Variants in DPP6 observed in about 807,000 individuals in gnomAD.
DPP6 encodes A-type potassium channel modulatory protein DPP6.
A neutral mutation model predicts 122.6 loss-of-function variants in DPP6; 69 were observed. That is an observed-to-expected ratio of 0.56 (90% CI 0.46 to 0.69). The LOEUF is 0.69. Ranked by LOEUF, DPP6 falls within the 30% of genes least tolerant of loss-of-function variation. DPP6 has a pLI of 0.00. For missense variants in DPP6, 928 were observed against 1,116.9 expected, an observed-to-expected ratio of 0.83 and a Z score of 2.41; for synonymous variants, 418 against 433.1, an observed-to-expected ratio of 0.97 and a Z score of 0.43.
chr7:154,292,807 C>A (rs1311192846), intron 1 of DPP6, among the ~76,000 whole-genome samples: 1 of 152,132 alleles, frequency 6.6e-6, no homozygotes, highest in Non-Finnish European at 1.5e-5. Flanking sequence ...ACAAAAGTTA[C>A]ACAAAACAAT....
At chr7:154,444,276 T>G (rs1465536562) in intron 1 of DPP6, among the ~76,000 whole-genome samples, 1 of 150,264 alleles carries the variant, frequency 6.7e-6, no homozygotes, top group Non-Finnish European at 1.5e-5. Context: ...GCTAACATGG[T>G]GAAACCCTGT....
rs1212676354 is a variant in DPP6 at position 154,821,708 on chromosome 7, A to G, written c.1666+14596A>G. On this transcript the variant is annotated intron_variant, in intron 16 of 25. Transcript: ENST00000377770. This position sits in a 1 kb window ranked among gnomAD's most constrained non-coding sequence, Gnocchi z 4.2. ...CACATATATATATACACACACACAT[A>G]TATATATACAGAAAAAACATGGTGT... Among the ~76,000 whole-genome samples, 1 of 148,424 alleles carries G rather than the reference A, an allele frequency of 6.7e-6. No homozygotes were observed. The highest frequency in any genetic ancestry group is 2.5e-5 in the African/African-American group (1 of 39,518).
intron 1 of DPP6, among the ~76,000 whole-genome samples, chr7:154,291,574 ACT>A (rs1384699316): frequency 1.3e-5 from 2 of 151,800 alleles, no homozygotes; most frequent in Non-Finnish European, 2.9e-5. Context: ...CATAGCCTAG[ACT>A]CTCTCTCCTG....
chr7:154,836,108 A>G (rs1175263339), intron 16 of DPP6, among the ~76,000 whole-genome samples: 1 of 152,156 alleles, frequency 6.6e-6, no homozygotes, highest in Non-Finnish European at 1.5e-5. Flanking sequence ...CCTGAGGCCT[A>G]ATCTCTGGGT....
chr7:154,531,427 A>G (rs1482700322), intron 3 of DPP6, among the ~76,000 whole-genome samples: 2 of 152,234 alleles, frequency 1.3e-5, no homozygotes, highest in African/African-American at 4.8e-5. Flanking sequence ...GGAAATCTAT[A>G]TTCACAGAAA....
intron 1 of DPP6, among the ~76,000 whole-genome samples, chr7:154,061,611 C>A (rs1801899087): frequency 7.0e-6 from 1 of 143,406 alleles, no homozygotes; most frequent in East Asian, 2.0e-4. Flanking sequence ...TTGGGACTCC[C>A]ATCACAGGGG....
At chr7:153,870,130 T>G in the DPP6 span, among the ~76,000 whole-genome samples, 1 of 152,202 alleles carries the variant, frequency 6.6e-6, no homozygotes, top group Non-Finnish European at 1.5e-5. Context: ...TTATGTGTCT[T>G]GGAGTTGCTC....
chr7:154,529,397 C>T (rs11976120), intron 3 of DPP6, among the ~76,000 whole-genome samples: 2,402 of 152,260 alleles, frequency 0.016, 59 homozygotes, highest in African/African-American at 0.052. Context: ...GTAAGCCTAG[C>T]AAAGAAAATT....
intron 1 of DPP6, among the ~76,000 whole-genome samples, chr7:154,190,071 G>A (rs12536049): frequency 0.076 from 11,618 of 152,246 alleles, 567 homozygotes; most frequent in South Asian, 0.13. Flanking sequence ...TTTTATGATT[G>A]TAAAGCTCCA....
intron 1 of DPP6, among the ~76,000 whole-genome samples, chr7:154,006,613 G>T (rs892565399): frequency 6.6e-6 from 1 of 152,172 alleles, no homozygotes; most frequent in African/African-American, 2.4e-5. Context: ...GCTCTGCACG[G>T]ACAGCTGGTG....
chr7:154,820,010 C>G (rs904448801), intron 16 of DPP6, among the ~76,000 whole-genome samples: 1 of 152,184 alleles, frequency 6.6e-6, no homozygotes. Context: ...GGAGCTGTGC[C>G]GCAGGTGGCC....
intron 16 of DPP6, among the ~76,000 whole-genome samples, chr7:154,841,594 T>A (rs1199703286): frequency 6.6e-6 from 1 of 151,060 alleles, no homozygotes; most frequent in Non-Finnish European, 1.5e-5. Flanking sequence ...TCTTTTCTTC[T>A]TTTTTTTATG....
At chr7:154,035,754 A>G (rs1320924930) in intron 1 of DPP6, among the ~76,000 whole-genome samples, 1 of 152,224 alleles carries the variant, frequency 6.6e-6, no homozygotes, top group Non-Finnish European at 1.5e-5. Context: ...TGTCTCATCC[A>G]CAGAAATCCA....
At chr7:154,748,732 G>A (rs1045989081) in intron 8 of DPP6, among the ~76,000 whole-genome samples, 2 of 152,120 alleles carry the variant, frequency 1.3e-5, no homozygotes, top group African/African-American at 2.4e-5. Context: ...GGGCTTCGAT[G>A]CCTTTTGCTC....
chr7:154,094,125 G>C (rs1322628249), intron 1 of DPP6: 2 of 152,114 alleles, frequency 1.3e-5, no homozygotes, highest in East Asian at 3.9e-4. Context: ...CTAGACAGAC[G>C]GTATCCCCGG....
chr7:154,336,975 G>C (rs1809485116), intron 1 of DPP6, among the ~76,000 whole-genome samples: 2 of 152,190 alleles, frequency 1.3e-5, no homozygotes, highest in South Asian at 2.1e-4. Flanking sequence ...GGACAACCCT[G>C]TCTTTCCCAG....
At chr7:154,889,432 C>CTTT (rs11335725) in intron 24 of DPP6, 25 bp from the exon 25 acceptor site, 62 of 1,494,396 alleles carry the variant, frequency 4.1e-5, no homozygotes, top group South Asian at 1.6e-4. Context: ...GTCTTCCTCT[C>CTTT]TTTTTTTTTT....
At chr7:154,694,704 A>T (rs1011886758) in intron 7 of DPP6, among the ~76,000 whole-genome samples, 1 of 152,140 alleles carries the variant, frequency 6.6e-6, no homozygotes, top group Non-Finnish European at 1.5e-5. Flanking sequence ...GATGTAAGTG[A>T]TGAAGATGAG....
At chr7:154,513,645 G>A (rs970782132) in intron 3 of DPP6, among the ~76,000 whole-genome samples, 11 of 152,176 alleles carry the variant, frequency 7.2e-5, no homozygotes, top group African/African-American at 2.6e-4. Context: ...GGGAAACATG[G>A]GAAAATTTTC....
Sources: allele counts gnomAD v4.1 joint callset (sites outside exome capture counted in the v4.1 genomes callset), GRCh38; gene constraint gnomAD v4.1.1; non-coding constraint Gnocchi (gnomAD v3.1); transcripts MANE v1.5; gene names NCBI Gene and HGNC (gene_info 2026-07-23, HGNC 2026-07-21).